The following ZRANB3 variants were observed in gnomAD, a reference collection of about 807,000 sequenced individuals.
ZRANB3 encodes the protein zinc finger RANBP2-type containing 3.
In ZRANB3, 125 loss-of-function variants were observed where a neutral mutation model predicts 133.8. The ratio of observed to expected loss-of-function variants is 0.93; its 90% confidence interval spans 0.81 to 1.08. ZRANB3 has a LOEUF of 1.08. ZRANB3 is among the 50% of genes least tolerant of loss of function. The pLI, the probability that ZRANB3 is intolerant of heterozygous loss-of-function variation, is 0.00. For missense variants in ZRANB3, 1,229 were observed against 1,275.5 expected (o/e 0.96, Z 0.56); for synonymous variants, 387 against 432.7 (o/e 0.89, Z 1.31).
intron 12 of ZRANB3, among the ~76,000 whole-genome samples, chr2:135,246,253 T>C (rs1695798090): frequency 6.6e-6 from 1 of 151,880 alleles, no homozygotes. Context: ...TCATGGAGAC[T>C]CAAGCAGGTA....
chr2:135,236,104 A>C (rs936760833), intron 12 of ZRANB3, among the ~76,000 whole-genome samples: 5 of 152,226 alleles, frequency 3.3e-5, no homozygotes, highest in Non-Finnish European at 7.3e-5. Flanking sequence ...AGGATACAAA[A>C]TCAATGTACA....
At chr2:135,336,030 A>G (rs1485151319) in intron 6 of ZRANB3, among the ~76,000 whole-genome samples, 1 of 152,196 alleles carries the variant, frequency 6.6e-6, no homozygotes, top group Non-Finnish European at 1.5e-5. Context: ...TCAATGTGCT[A>G]ATGGTTGACA....
At chr2:135,374,930 G>T (rs1204248534) in intron 3 of ZRANB3, among the ~76,000 whole-genome samples, 2 of 152,172 alleles carry the variant, frequency 1.3e-5, no homozygotes, top group African/African-American at 4.8e-5. Context: ...AAGATATGCA[G>T]ATGGCAGATA....
intron 8 of ZRANB3, among the ~76,000 whole-genome samples, chr2:135,299,347 C>T (rs968579905): frequency 2.0e-5 from 3 of 152,172 alleles, no homozygotes; most frequent in African/African-American, 7.2e-5. Flanking sequence ...AGTCTCACTC[C>T]CACTGTGCTC....
At chr2:135,527,723 T>G (rs950402273) in intron 1 of ZRANB3, among the ~76,000 whole-genome samples, 2 of 152,220 alleles carry the variant, frequency 1.3e-5, no homozygotes, top group Non-Finnish European at 2.9e-5. Context: ...TGGTATCTAT[T>G]CAGCCACAAC....
chr2:135,237,005 C>T (rs2105077252), intron 12 of ZRANB3, among the ~76,000 whole-genome samples: 1 of 152,068 alleles, frequency 6.6e-6, no homozygotes, highest in African/African-American at 2.4e-5. Context: ...GAACAGGCAA[C>T]CTACAGAATG....
In ZRANB3 at chr2:135,277,618, A is replaced by C. The variant is rs1161440748; in HGVS notation, c.967-1863T>G. ...TATTAAGCTAAGGAAATCTCCCAGA[A>C]AGTAAACAGAAAATATAAAATATAG... On this transcript the variant is annotated intron_variant, in intron 8 of 20. Transcript: ENST00000264159. Among the ~76,000 whole-genome samples, 6 of 152,310 alleles carry C rather than the reference A, an allele frequency of 3.9e-5. No individual in the cohort carries two copies. The East Asian group carries it at 7.7e-4, about 20-fold the overall frequency.
intron 2 of ZRANB3, among the ~76,000 whole-genome samples, chr2:135,408,019 C>A (rs1341422431): frequency 1.3e-5 from 2 of 151,424 alleles, no homozygotes; most frequent in Admixed American, 6.6e-5. Flanking sequence ...AAAGAAACTA[C>A]CATCAGAGTG....
intron 5 of ZRANB3, among the ~76,000 whole-genome samples, chr2:135,349,517 T>C (rs986783724): frequency 1.3e-5 from 2 of 152,224 alleles, no homozygotes; most frequent in Admixed American, 6.5e-5. Flanking sequence ...ATACCTTATC[T>C]GGTCTGCACG....
At chr2:135,303,557 T>C (rs1362072813) in intron 8 of ZRANB3, among the ~76,000 whole-genome samples, 2 of 152,144 alleles carry the variant, frequency 1.3e-5, no homozygotes, top group African/African-American at 4.8e-5. Flanking sequence ...GACTCTCTTT[T>C]TCTGATTCAT....
chr2:135,513,410 T>A (rs78465785), intron 1 of ZRANB3, among the ~76,000 whole-genome samples: 1 of 152,172 alleles, frequency 6.6e-6, no homozygotes, highest in African/African-American at 2.4e-5. Flanking sequence ...AATAAGCCTT[T>A]ACATTTACAG....
At chr2:135,492,130 T>C (rs1265197251) in intron 2 of ZRANB3, among the ~76,000 whole-genome samples, 1 of 152,124 alleles carries the variant, frequency 6.6e-6, no homozygotes, top group African/African-American at 2.4e-5. Context: ...GATCATAGAA[T>C]GATCATATAA....
In ZRANB3 at chr2:135,357,960, GGTTTTAC is replaced by G. The variant is rs553910156; in HGVS notation, c.181-4339_181-4333del. On this transcript the variant is annotated intron_variant, in intron 3 of 20. Coordinates refer to ENST00000264159, the MANE Select transcript of ZRANB3 (RefSeq NM_032143.4). ...AAATACCTCATTCCTTTTAAGACTT[GGTTTTAC>G]GCTTTTAAAGGGCAAGTTTACTCAT... 2.2e-4 allele frequency among the ~76,000 whole-genome samples: 33 copies of G among 152,190 alleles called. No individual in the cohort carries two copies. The South Asian group carries it at 5.8e-3, about 27-fold the overall frequency.
intron 3 of ZRANB3, among the ~76,000 whole-genome samples, chr2:135,354,844 A>G (rs1016005613): frequency 3.3e-4 from 50 of 152,302 alleles, no homozygotes; most frequent in African/African-American, 1.0e-3. Context: ...GTGGCTGTTA[A>G]CATAACCTAT....
At chr2:135,225,057 T>G (rs1431070406) in intron 14 of ZRANB3, among the ~76,000 whole-genome samples, 1 of 152,180 alleles carries the variant, frequency 6.6e-6, no homozygotes, top group East Asian at 1.9e-4. Flanking sequence ...GTCCAATATA[T>G]TTTGCAGGAG....
Position 135,207,520 on chromosome 2 carries a change from G to T in ZRANB3, c.2923C>A (p.Leu975Ile), listed in dbSNP as rs1693922761. The change falls in exon 19 of 21, where the codon CTC becomes ATC. Residue 975 changes from leucine to isoleucine, a missense_variant. Transcript: ENST00000264159. ...GGGGCATCTCTCAGACGTAAAAAGA[G>T]TTCTTGTGCGTTCACATTACAGAGC... ...CQLCNVNAQE[L>I]FLRLRDAPKS... 6.2e-7 allele frequency: 1 copy of T among 1,613,924 alleles called. No individual in the cohort carries two copies. The highest frequency in any genetic ancestry group is 1.3e-5 in the African/African-American group (1 of 74,942).
chr2:135,288,110 C>T (rs1156268021), intron 8 of ZRANB3, among the ~76,000 whole-genome samples: 1 of 152,126 alleles, frequency 6.6e-6, no homozygotes, highest in Non-Finnish European at 1.5e-5. Flanking sequence ...TATGTCCCCT[C>T]TATGATGATT....
intron 2 of ZRANB3, among the ~76,000 whole-genome samples, chr2:135,496,619 A>T (rs1389804565): frequency 6.6e-6 from 1 of 152,182 alleles, no homozygotes; most frequent in African/African-American, 2.4e-5. Flanking sequence ...GCAAAAAACA[A>T]GACACTACCA....
At position 135,200,349 on chromosome 2, in the gene ZRANB3, T is replaced by C. The variant is rs1463704055; in HGVS notation, c.3233A>G (p.Lys1078Arg). The C allele has an allele frequency of 6.3e-7, 1 of 1,594,032 alleles. No individual in the cohort carries two copies. The highest frequency in any genetic ancestry group is 1.8e-5 in the Admixed American group (1 of 56,992). ...HGSDITRFLV[K>R]K ...TTCATATATTTTTCTACTTTACTTC[T>C]TTACCAAAAATCGTGTGATGTCTGA... The change falls in exon 21 of 21, where the codon AAG becomes AGG. Residue 1078 changes from lysine (K) to arginine (R), a missense_variant. By Grantham distance (26) the Lys-to-Arg change is conservative. Coordinates refer to ENST00000264159, the MANE Select transcript of ZRANB3 (RefSeq NM_032143.4).
Sources: gnomAD v4.1 joint callset for allele counts (sites outside exome capture counted in the v4.1 genomes callset) on GRCh38, gnomAD v4.1.1 for gene constraint, MANE v1.5 for transcripts, NCBI Gene and HGNC (gene_info 2026-07-23, HGNC 2026-07-21) for gene names.